Variants in CNTN5 observed in about 807,000 individuals in gnomAD.
CNTN5 encodes contactin 5, also known as contactin-5.
In CNTN5, 77 loss-of-function variants were observed where a neutral mutation model predicts 129.1. The observed-to-expected ratio is 0.60, with a 90% CI of 0.50 to 0.72. The LOEUF is 0.72. Among genes scored for constraint, CNTN5 ranks in the 30% least tolerant of loss-of-function variants. The pLI is 0.00. For missense variants in CNTN5, 1,478 were observed against 1,328.8 expected, an observed-to-expected ratio of 1.11 and a Z score of -1.75; for synonymous variants, 509 against 465.6, an observed-to-expected ratio of 1.09 and a Z score of -1.20.
chr11:100,206,829 C>A (rs1027048338), intron 15 of CNTN5, among the ~76,000 whole-genome samples: 3 of 152,120 alleles, frequency 2.0e-5, no homozygotes, highest in Non-Finnish European at 2.9e-5. Context: ...CCACTGCCAG[C>A]ACCTGGCATC....
At chr11:100,134,291 G>A (rs1946461118) in intron 13 of CNTN5, among the ~76,000 whole-genome samples, 1 of 152,106 alleles carries the variant, frequency 6.6e-6, no homozygotes, top group African/African-American at 2.4e-5. Context: ...TTGAGGATGT[G>A]CTTACAGAAT....
chr11:99,234,385 G>A (rs1861162171), intron 1 of CNTN5, among the ~76,000 whole-genome samples: 1 of 152,226 alleles, frequency 6.6e-6, no homozygotes, highest in South Asian at 2.1e-4. Flanking sequence ...CTTCCTCAAC[G>A]CTCTATTCGT....
chr11:99,904,816 C>G lies in CNTN5; in HGVS notation c.578-11238C>G, dbSNP rs539065182. On this transcript the variant is annotated intron_variant, in intron 6 of 24. Transcript: ENST00000524871. ...TCTGTAGCACCTGTTGTTTCCTGAC[C>G]TTTTAGTGATTGCCATTCTAAATGG... Among the ~76,000 whole-genome samples the G allele has an allele frequency of 1.1e-4, 16 of 152,130 alleles. No homozygotes were observed. The East Asian group carries it at 3.1e-3, about 30-fold the overall frequency.
At chr11:99,180,704 C>G (rs1165290760) in intron 1 of CNTN5, among the ~76,000 whole-genome samples, 2 of 152,106 alleles carry the variant, frequency 1.3e-5, no homozygotes, top group Non-Finnish European at 2.9e-5. Flanking sequence ...CCATCTGATA[C>G]TCAATTGTAG....
chr11:100,104,181 GCCTC>G (rs1220148301), intron 13 of CNTN5, among the ~76,000 whole-genome samples: 1 of 144,842 alleles, frequency 6.9e-6, no homozygotes, highest in Non-Finnish European at 1.5e-5. Context: ...TGCAACTTCC[GCCTC>G]CCAGGTTCAG....
At chr11:99,235,680 T>G (rs1861225683) in intron 1 of CNTN5, among the ~76,000 whole-genome samples, 1 of 152,178 alleles carries the variant, frequency 6.6e-6, no homozygotes, top group African/African-American at 2.4e-5. Context: ...CTGAGAATAT[T>G]TTAAAATATT....
At chr11:99,425,482 G>A (rs1379422718) in intron 2 of CNTN5, among the ~76,000 whole-genome samples, 1 of 152,252 alleles carries the variant, frequency 6.6e-6, no homozygotes, top group Non-Finnish European at 1.5e-5. Flanking sequence ...GCTGTGCTAT[G>A]TGGTGCCCAA....
intron 1 of CNTN5, among the ~76,000 whole-genome samples, chr11:99,297,339 A>G (rs1864433732): frequency 6.6e-6 from 1 of 152,106 alleles, no homozygotes; most frequent in Non-Finnish European, 1.5e-5. Flanking sequence ...CAGTCCCATC[A>G]TCTCTCAAGT....
chr11:99,047,397 C>A (rs189441248), intron 1 of CNTN5, among the ~76,000 whole-genome samples: 4,469 of 136,782 alleles, frequency 0.033, 171 homozygotes, highest in East Asian at 0.18. Context: ...AAAAAAAAAA[C>A]CAAAAAAGTG....
At chr11:99,351,160 A>G (rs1938272840) in intron 2 of CNTN5, among the ~76,000 whole-genome samples, 1 of 152,196 alleles carries the variant, frequency 6.6e-6, no homozygotes, top group African/African-American at 2.4e-5. Context: ...CAGAACTTAA[A>G]GTATAATAAT....
chr11:99,855,062 A>G (rs1449463010), intron 6 of CNTN5, among the ~76,000 whole-genome samples: 1 of 152,166 alleles, frequency 6.6e-6, no homozygotes, highest in Admixed American at 6.6e-5. Context: ...TAGTTGCAGC[A>G]CTTTGAGAGG....
chr11:99,744,086 A>G (rs1943969144), intron 3 of CNTN5, among the ~76,000 whole-genome samples: 1 of 152,116 alleles, frequency 6.6e-6, no homozygotes, highest in Admixed American at 6.5e-5. Flanking sequence ...GAGGGGGAAG[A>G]CATATACTTC....
intron 1 of CNTN5, among the ~76,000 whole-genome samples, chr11:99,235,141 G>A (rs1408433173): frequency 1.3e-5 from 2 of 151,710 alleles, no homozygotes; most frequent in African/African-American, 2.4e-5. Context: ...ACCTTTGGAA[G>A]ATAATTTGTT....
rs535993650 is a variant in CNTN5, at chr11:99,344,119, G to A, written c.-71+18635G>A. Among the ~76,000 whole-genome samples the A allele has an allele frequency of 5.9e-5, 9 of 152,288 alleles. 1 individual carries two copies. The East Asian group carries it at 1.2e-3, about 20-fold the overall frequency. On this transcript the variant is annotated intron_variant, in intron 2 of 24. Coordinates refer to ENST00000524871, the MANE Select transcript of CNTN5 (RefSeq NM_014361.4). ...CCACATCTCCTCAACTTCAAAGTGC[G>A]TAAGTTTTCGGTAGAAAGTCTATGG...
At chr11:99,857,846 G>A (rs532279931) in intron 6 of CNTN5, among the ~76,000 whole-genome samples, 9 of 152,010 alleles carry the variant, frequency 5.9e-5, no homozygotes, top group African/African-American at 1.7e-4. Context: ...ATTGATCTCC[G>A]TGGCAATAAA....
At chr11:100,261,104 G>A (rs1434122047) in intron 17 of CNTN5, among the ~76,000 whole-genome samples, 1 of 152,046 alleles carries the variant, frequency 6.6e-6, no homozygotes, top group Non-Finnish European at 1.5e-5. Context: ...AAAGTTTCAG[G>A]ATACAAAAAT....
intron 3 of CNTN5, among the ~76,000 whole-genome samples, chr11:99,613,312 C>A (rs1484539636): frequency 1.3e-5 from 2 of 152,152 alleles, no homozygotes; most frequent in Non-Finnish European, 2.9e-5. Flanking sequence ...TTATAAGGGG[C>A]TCTTCCCGGC....
intron 3 of CNTN5, among the ~76,000 whole-genome samples, chr11:99,705,053 C>T (rs763935904): frequency 8.6e-5 from 13 of 151,272 alleles, no homozygotes; most frequent in Admixed American, 1.3e-4. Context: ...AATAAGTCAA[C>T]AACAAAAAAT....
intron 1 of CNTN5, among the ~76,000 whole-genome samples, chr11:99,217,562 A>G (rs557103178): frequency 3.0e-4 from 45 of 152,322 alleles, no homozygotes; most frequent in African/African-American, 4.3e-4. Context: ...CATCAATGCT[A>G]TAGATCCTCA....
Sources: gnomAD v4.1 joint callset for allele counts (sites outside exome capture counted in the v4.1 genomes callset) on GRCh38, gnomAD v4.1.1 for gene constraint, MANE v1.5 for transcripts, NCBI Gene and HGNC (gene_info 2026-07-23, HGNC 2026-07-21) for gene names.